CD274: variants seen among roughly 807,000 people sequenced by gnomAD.
CD274 encodes the protein programmed cell death 1 ligand 1.
CD274 carries 8 observed loss-of-function variants against 30.1 expected under a neutral mutation model. The ratio of observed to expected loss-of-function variants is 0.27; its 90% CI spans 0.16 to 0.48. The LOEUF (loss-of-function observed/expected upper bound fraction) is 0.48. Ranked by LOEUF, CD274 falls within the 20% of genes least tolerant of loss-of-function variation. CD274 has a pLI of 0.99. For missense variants in CD274, 353 were observed against 346.6 expected (o/e 1.02, Z -0.15); for synonymous variants, 152 against 124.6 (o/e 1.22, Z -1.46).
rs750730511 is a variant in CD274 at position 5,456,164 on chromosome 9, C to T, written c.51C>T (p.Asn17=). The T allele has an allele frequency of 3.1e-5, 50 of 1,591,776 alleles. No individual in the cohort carries two copies. Among genetic ancestry groups the T allele is most frequent in the East Asian group, 4.5e-5 (2 of 44,654 alleles). The part of the protein sequence containing the change: ...FIFMTYWHLL[N]AFTVTVPKDL... ...TCATGACCTACTGGCATTTGCTGAA[C>T]GGTAAGACACCAAATCCTTCCATTA... is the stretch of plus-strand genomic sequence containing the variant. Residue 17 remains asparagine, a splice_region_variant and synonymous_variant, in exon 2 of 7, where the codon AAC becomes AAT. Coordinates refer to ENST00000381577, the MANE Select transcript of CD274 (RefSeq NM_014143.4).
chr9:5,463,255 T>C, intron 4 of CD274, 134 bp downstream of exon 4: 1 of 694,990 alleles, frequency 1.4e-6, no homozygotes, highest in Non-Finnish European at 2.5e-6. Flanking sequence ...TTACAAAATA[T>C]ATCCTAATTC....
intron 1 of CD274, among the ~76,000 whole-genome samples, chr9:5,452,612 C>T (rs1819227803): frequency 6.6e-6 from 1 of 152,240 alleles, no homozygotes; most frequent in East Asian, 1.9e-4. Context: ...TGTGTATTTA[C>T]ATGATCTTTG....
At chr9:5,456,438 TG>T (rs1586763118) in intron 2 of CD274, among the ~76,000 whole-genome samples, 1 of 152,334 alleles carries the variant, frequency 6.6e-6, no homozygotes, top group East Asian at 1.9e-4. Flanking sequence ...TGAAAATATC[TG>T]GGGAAATGGC....
intron 4 of CD274, among the ~76,000 whole-genome samples, chr9:5,464,497 G>A (rs1819463433): frequency 6.6e-6 from 1 of 152,162 alleles, no homozygotes; most frequent in Non-Finnish European, 1.5e-5. Context: ...GCTGAGCCAG[G>A]CAGGAGCTGA....
At chr9:5,458,259 G>A (rs1361760385) in intron 3 of CD274, among the ~76,000 whole-genome samples, 1 of 152,160 alleles carries the variant, frequency 6.6e-6, no homozygotes. Context: ...AGGATCCCAG[G>A]CAGGAGCAGC....
chr9:5,454,948 A>G (rs1162065558), intron 1 of CD274, among the ~76,000 whole-genome samples: 1 of 152,092 alleles, frequency 6.6e-6, no homozygotes, highest in Non-Finnish European at 1.5e-5. Flanking sequence ...TCTGAACTAT[A>G]TGTTATGACC....
chr9:5,455,046 TCTC>T (rs1819276376), intron 1 of CD274, among the ~76,000 whole-genome samples: 2 of 152,306 alleles, frequency 1.3e-5, no homozygotes, highest in African/African-American at 4.8e-5. Flanking sequence ...GGAACATTAA[TCTC>T]CTGTCTTATA....
intron 3 of CD274, among the ~76,000 whole-genome samples, chr9:5,461,687 C>A (rs1051555923): frequency 6.6e-6 from 1 of 152,028 alleles, no homozygotes; most frequent in Non-Finnish European, 1.5e-5. Context: ...TGTTAATGTA[C>A]TTGTAATGAA....
chr9:5,452,781 A>C (rs1819230485), intron 1 of CD274, among the ~76,000 whole-genome samples: 1 of 152,232 alleles, frequency 6.6e-6, no homozygotes, highest in Admixed American at 6.5e-5. Flanking sequence ...AATTCATTAA[A>C]GGACAAGAAC....
chr9:5,467,836 C>T lies in CD274; in HGVS notation c.851-4C>T. 3 of 1,607,166 alleles carry T rather than the reference C, an allele frequency of 1.9e-6. No individual in the cohort carries two copies. Among genetic ancestry groups the T allele is most frequent in the Non-Finnish European group, 2.6e-6 (3 of 1,173,692 alleles). ...GAAATTAATATACTATTATCACTCTCCAGATACACATTTGGAGGAGACGTA... is the reference window on the plus strand; with the variant it reads ...GAAATTAATATACTATTATCACTCTTCAGATACACATTTGGAGGAGACGTA... On this transcript the variant is annotated splice_polypyrimidine_tract_variant and splice_region_variant and intron_variant, in intron 6 of 6. Coordinates refer to ENST00000381577, the MANE Select transcript of CD274 (RefSeq NM_014143.4).
Position 5,470,318 on chromosome 9 carries a change from C to T in CD274, c.*2456C>T. On this transcript the variant is annotated 3_prime_UTR_variant, in exon 7 of 7. Coordinates refer to ENST00000381577, the MANE Select transcript of CD274 (RefSeq NM_014143.4). ...AGGCACATAGTCTACTCAGTCTATT[C>T]CTAAGTCCTAACTCCTCCTTGTGGT... 4.3e-6 allele frequency: 1 copy of T among 232,486 alleles called. No homozygotes were observed. Among genetic ancestry groups the T allele is most frequent in the Admixed American group, 5.6e-5 (1 of 17,778 alleles). 14.4% of individuals were successfully genotyped at this position (232,486 alleles called of 1,614,324 possible).
chr9:5,452,029 T>TC (rs1254060759), intron 1 of CD274, among the ~76,000 whole-genome samples: 1 of 146,028 alleles, frequency 6.8e-6, no homozygotes, highest in Non-Finnish European at 1.5e-5. Flanking sequence ...TTTTTGTCTT[T>TC]TTTTTTTTTT....
At chr9:5,450,866 G>A (rs1490582813) in intron 1 of CD274, among the ~76,000 whole-genome samples, 1 of 152,228 alleles carries the variant, frequency 6.6e-6, no homozygotes, top group Non-Finnish European at 1.5e-5. Flanking sequence ...GGTAGTATAG[G>A]ATAGGTAGTC....
At position 5,469,781 on chromosome 9, in the gene CD274, C is replaced by T; in HGVS notation, c.*1919C>T. The T allele has an allele frequency of 4.3e-6, 1 of 232,944 alleles. No homozygotes were observed. The allele number at this position is 232,944 out of a possible 1,614,324, so 14.4% of individuals were successfully genotyped here. A position where few individuals can be genotyped will look rare whatever the true frequency, so the allele number is the denominator to read the frequency against. On this transcript the variant is annotated 3_prime_UTR_variant, in exon 7 of 7. Coordinates refer to ENST00000381577, the MANE Select transcript of CD274 (RefSeq NM_014143.4). ...GTTTATGTTTGCTCAAAAGGAGACCCATGGGCTCTCCAGGGTGCACTGAGT... is the reference window on the plus strand; with the variant it reads ...GTTTATGTTTGCTCAAAAGGAGACCTATGGGCTCTCCAGGGTGCACTGAGT...
chr9:5,468,869 A>G lies in CD274; in HGVS notation c.*1007A>G, dbSNP rs1278920605. ...TAAGCAATTCTTTTATTCAAAAACC[A>G]TTTATTAAGTGCCCTTGCAATATCA... On this transcript the variant is annotated 3_prime_UTR_variant, in exon 7 of 7. Transcript: ENST00000381577. The G allele has an allele frequency of 4.3e-6, 1 of 233,054 alleles. No individual in the cohort carries two copies. The highest frequency in any genetic ancestry group is 8.5e-6 in the Non-Finnish European group (1 of 117,958). The allele number at this position is 233,054 out of a possible 1,614,324, so 14.4% of individuals were successfully genotyped here. A position where few individuals can be genotyped will look rare whatever the true frequency, so the allele number is the denominator to read the frequency against.
In CD274 at chr9:5,463,004, A is replaced by G. The variant is rs1223717276; in HGVS notation, c.565A>G (p.Lys189Glu). 3.7e-6 allele frequency: 6 copies of G among 1,613,950 alleles called. No homozygotes were observed. In the African/African-American group the frequency reaches 5.3e-5, roughly 14 times the overall value. Residue 189 changes from lysine to glutamate, a missense_variant, in exon 4 of 7, where the codon AAG becomes GAG. Lys to Glu is a moderately conservative substitution (Grantham distance 56). Transcript: ENST00000381577. ...CACCACCAATTCCAAGAGAGAGGAG[A>G]AGCTTTTCAATGTGACCAGCACACT... ...TTTTNSKREE[K>E]LFNVTSTLRI...
chr9:5,455,098 T>C (rs7875896), intron 1 of CD274, among the ~76,000 whole-genome samples: 2,138 of 152,264 alleles, frequency 0.014, 57 homozygotes, highest in African/African-American at 0.05. Flanking sequence ...TGTGAGTTCA[T>C]GTCTGTATAC....
At chr9:5,451,064 C>G (rs567593368) in intron 1 of CD274, among the ~76,000 whole-genome samples, 1 of 152,176 alleles carries the variant, frequency 6.6e-6, no homozygotes. Context: ...TTTATTTGCT[C>G]TGTCCATTCT....
chr9:5,453,947 A>T (rs186683393), intron 1 of CD274, among the ~76,000 whole-genome samples: 1 of 152,174 alleles, frequency 6.6e-6, no homozygotes, highest in Non-Finnish European at 1.5e-5. Context: ...GCATCACCAG[A>T]TGCTCCCTGG....
Sources: gnomAD v4.1 joint callset for allele counts (sites outside exome capture counted in the v4.1 genomes callset) on GRCh38, gnomAD v4.1.1 for gene constraint, MANE v1.5 for transcripts, NCBI Gene and HGNC (gene_info 2026-07-23, HGNC 2026-07-21) for gene names.